FTO: variants seen among roughly 807,000 people sequenced by gnomAD.
FTO encodes alpha-ketoglutarate-dependent dioxygenase FTO.
Under a neutral mutation model 63.9 loss-of-function variants are expected in FTO, and 47 were observed. The ratio of observed to expected loss-of-function variants is 0.74; its 90% CI spans 0.58 to 0.94. The LOEUF (loss-of-function observed/expected upper bound fraction) is 0.94, where lower values mean the gene tolerates loss of function less well. FTO is among the 40% of genes least tolerant of loss of function. The pLI, the probability that FTO is intolerant of heterozygous loss-of-function variation, is 0.00. For synonymous variants in FTO, 207 were observed against 224.4 expected, an observed-to-expected ratio of 0.92 and a Z score of 0.69; for missense variants, 562 against 618.1, an observed-to-expected ratio of 0.91 and a Z score of 0.96.
intron 8 of FTO, among the ~76,000 whole-genome samples, chr16:54,086,543 G>A (rs2086258213): frequency 6.6e-6 from 1 of 152,208 alleles, no homozygotes; most frequent in Non-Finnish European, 1.5e-5. Context: ...AAAACTAATT[G>A]CAGTGAGGAC....
At position 53,945,286 on chromosome 16, in the gene FTO, A is replaced by G. The variant is rs939365403; in HGVS notation, c.1364+11177A>G. 2.0e-5 allele frequency among the ~76,000 whole-genome samples: 3 copies of G among 152,352 alleles called. No homozygotes were observed. The East Asian group carries it at 5.8e-4, about 29-fold the overall frequency. ...TTGTACTAATTTTAACAACAATAGC[A>G]GCTGACATTTATTGAGAAGTCACTG... On this transcript the variant is annotated intron_variant, in intron 8 of 8. Transcript: ENST00000471389.
At chr16:53,930,838 AC>A (rs1286540504) in intron 7 of FTO, among the ~76,000 whole-genome samples, 1 of 152,224 alleles carries the variant, frequency 6.6e-6, no homozygotes, top group Non-Finnish European at 1.5e-5. Flanking sequence ...AAAGCACATA[AC>A]TATTTCTTAG....
rs565650630 is a variant in FTO, at chr16:53,729,720, C to A, written c.45+25491C>A. ...TACTCCTACTGTTGGAAAGTGGTGA[C>A]CCCTGAACATATGCCTCTGTCCTTT... On this transcript the variant is annotated intron_variant, in intron 1 of 8. Coordinates refer to ENST00000471389, the MANE Select transcript of FTO (RefSeq NM_001080432.3). 2.9e-4 allele frequency among the ~76,000 whole-genome samples: 44 copies of A among 151,642 alleles called. 1 individual carries two copies. In the South Asian group the frequency reaches 3.5e-3, roughly 12 times the overall value.
intron 1 of FTO, among the ~76,000 whole-genome samples, chr16:53,724,186 C>T (rs2076100541): frequency 6.6e-6 from 1 of 152,188 alleles, no homozygotes; most frequent in South Asian, 2.1e-4. Flanking sequence ...GGAAGTTTGA[C>T]AAGGAGTATT....
chr16:53,953,770 C>T (rs926835013), intron 8 of FTO, among the ~76,000 whole-genome samples: 2 of 152,136 alleles, frequency 1.3e-5, no homozygotes, highest in Admixed American at 1.3e-4. Flanking sequence ...CCATGAGGGG[C>T]CCAGCATCCT....
At chr16:53,817,455 A>T (rs1330914462) in intron 2 of FTO, among the ~76,000 whole-genome samples, 1 of 152,226 alleles carries the variant, frequency 6.6e-6, no homozygotes, top group Non-Finnish European at 1.5e-5. Context: ...GCTGAGTGCA[A>T]AATAGAAAGT....
At position 53,826,027 on chromosome 16, in the gene FTO, G is replaced by C. The variant is rs139577103; in HGVS notation, c.287G>C (p.Arg96Pro). ...AAAGATCTGCTCACTCCGGTATCTCGCATCCTCATTGGTAATCCAGGCTGC... is the reference window on the plus strand; with the variant it reads ...AAAGATCTGCTCACTCCGGTATCTCCCATCCTCATTGGTAATCCAGGCTGC... ...QGKDLLTPVS[R>P]ILIGNPGCTY... is the part of the protein sequence containing the mutation. The change falls in exon 3 of 9, where the codon CGC becomes CCC. Residue 96 changes from arginine (R) to proline (P), a missense_variant. By Grantham distance (103) the Arg-to-Pro change is moderately radical. Transcript: ENST00000471389. 10 of 1,613,960 alleles carry C rather than the reference G, an allele frequency of 6.2e-6. No homozygotes were observed. The highest frequency in any genetic ancestry group is 2.7e-5 in the African/African-American group (2 of 74,876).
intron 8 of FTO, among the ~76,000 whole-genome samples, chr16:53,970,454 G>A (rs908713080): frequency 1.3e-5 from 2 of 151,988 alleles, no homozygotes; most frequent in Admixed American, 6.6e-5. Flanking sequence ...GCCGGTTGTG[G>A]TGGTGGGCGC....
intron 8 of FTO, among the ~76,000 whole-genome samples, chr16:54,097,189 A>C (rs1183860889): frequency 6.6e-6 from 1 of 152,194 alleles, no homozygotes; most frequent in Non-Finnish European, 1.5e-5. Flanking sequence ...GATCTAAGTA[A>C]TGATGGCCAG....
chr16:54,110,756 G>T (rs1435950815), intron 8 of FTO, among the ~76,000 whole-genome samples: 1 of 152,218 alleles, frequency 6.6e-6, no homozygotes, highest in Non-Finnish European at 1.5e-5. Flanking sequence ...GAGAGAAGGC[G>T]GGGGTGGAGG....
chr16:53,878,388 C>T (rs974809536), intron 5 of FTO, among the ~76,000 whole-genome samples: 1 of 151,648 alleles, frequency 6.6e-6, no homozygotes, highest in Non-Finnish European at 1.5e-5. Context: ...TTTTTTTTGG[C>T]AGGAAATTGG....
chr16:53,965,380 C>T (rs1036298089), intron 8 of FTO, among the ~76,000 whole-genome samples: 4 of 152,116 alleles, frequency 2.6e-5, no homozygotes, highest in Non-Finnish European at 5.9e-5. Flanking sequence ...ATCATGTTAG[C>T]TCCATATAGT....
At chr16:54,078,217 G>A (rs1162229764) in intron 8 of FTO, among the ~76,000 whole-genome samples, 4 of 150,754 alleles carry the variant, frequency 2.7e-5, no homozygotes, top group Non-Finnish European at 5.9e-5. Flanking sequence ...ATATGTATAT[G>A]TAAACTTATA....
chr16:54,068,508 C>G (rs2085785491), intron 8 of FTO, among the ~76,000 whole-genome samples: 1 of 152,128 alleles, frequency 6.6e-6, no homozygotes, highest in Non-Finnish European at 1.5e-5. Context: ...CTATTGTTCA[C>G]ATGTCCCCAT....
chr16:53,955,442 A>G (rs2082906710), intron 8 of FTO, among the ~76,000 whole-genome samples: 1 of 152,170 alleles, frequency 6.6e-6, no homozygotes, highest in Non-Finnish European at 1.5e-5. Flanking sequence ...TTTTTAGGGA[A>G]GCCTCATTTA....
At chr16:53,709,539 G>A (rs1172747694) in intron 1 of FTO, among the ~76,000 whole-genome samples, 1 of 152,162 alleles carries the variant, frequency 6.6e-6, no homozygotes, top group East Asian at 1.9e-4. Flanking sequence ...ACTATTCCAG[G>A]GGTAGAGTAG....
At chr16:53,836,987 G>A (rs150631160) in intron 3 of FTO, among the ~76,000 whole-genome samples, 1,937 of 152,258 alleles carry the variant, frequency 0.013, 30 homozygotes, top group Non-Finnish European at 0.015. Context: ...TATTTACAAC[G>A]TAAGGGTTTC....
intron 2 of FTO, among the ~76,000 whole-genome samples, chr16:53,823,148 C>T (rs760959582): frequency 3.9e-5 from 6 of 152,184 alleles, no homozygotes; most frequent in South Asian, 2.1e-4. Context: ...TGAGATTGCT[C>T]GTGTCATTGC....
intron 8 of FTO, among the ~76,000 whole-genome samples, chr16:53,959,060 C>G (rs1351631977): frequency 6.6e-6 from 1 of 152,224 alleles, no homozygotes; most frequent in African/African-American, 2.4e-5. Flanking sequence ...TTAAGTGCCT[C>G]TCTGTGCCAA....
Sources: allele counts gnomAD v4.1 joint callset (sites outside exome capture counted in the v4.1 genomes callset), GRCh38; gene constraint gnomAD v4.1.1; transcripts MANE v1.5; gene names NCBI Gene and HGNC (gene_info 2026-07-23, HGNC 2026-07-21).